DPP10: variants seen among roughly 807,000 people sequenced by gnomAD.
The protein encoded by DPP10 is inactive dipeptidyl peptidase 10.
Under a neutral mutation model 120.9 loss-of-function variants are expected in DPP10, and 33 were observed. The ratio of observed to expected loss-of-function variants is 0.27; its 90% CI spans 0.21 to 0.37. The LOEUF is 0.37. Among genes scored for constraint, DPP10 ranks in the 10% least tolerant of loss-of-function variants. The probability of loss-of-function intolerance (pLI) is 1.00; values close to 1 mark genes in which losing one functional copy is unlikely to be tolerated. For missense variants in DPP10, 816 were observed against 942.8 expected (o/e 0.87, Z 1.76); for synonymous variants, 337 against 326.1 (o/e 1.03, Z -0.36).
At chr2:115,007,309 G>A (rs958947648) in intron 1 of DPP10, among the ~76,000 whole-genome samples, 17 of 152,208 alleles carry the variant, frequency 1.1e-4, no homozygotes, top group South Asian at 6.2e-4. Flanking sequence ...TATAAACAGA[G>A]CCAAAGACAA....
chr2:115,364,809 T>G (rs567685889), intron 3 of DPP10, among the ~76,000 whole-genome samples: 1 of 152,204 alleles, frequency 6.6e-6, no homozygotes, highest in African/African-American at 2.4e-5. Flanking sequence ...GAATTACTAC[T>G]TTGGTACAAC....
chr2:114,451,271 A>G (rs542727581), intron 1 of DPP10, among the ~76,000 whole-genome samples: 405 of 152,232 alleles, frequency 2.7e-3, no homozygotes, highest in African/African-American at 9.3e-3. Context: ...TGAGCACAGC[A>G]TGGTGTGAGG....
chr2:114,939,702 T>C (rs1696753630), intron 1 of DPP10, among the ~76,000 whole-genome samples: 3 of 152,142 alleles, frequency 2.0e-5, no homozygotes, highest in Admixed American at 6.6e-5. Context: ...CTTTTGTCCA[T>C]TCATGTTGTA....
At chr2:114,765,311 A>AT (rs1376472199) in intron 1 of DPP10, among the ~76,000 whole-genome samples, 1 of 152,180 alleles carries the variant, frequency 6.6e-6, no homozygotes, top group Non-Finnish European at 1.5e-5. Flanking sequence ...GATTCACTCA[A>AT]TTTTTTGATG....
chr2:114,608,935 G>C (rs1215676580), intron 1 of DPP10, among the ~76,000 whole-genome samples: 1 of 152,012 alleles, frequency 6.6e-6, no homozygotes, highest in Non-Finnish European at 1.5e-5. Flanking sequence ...TAACTATTGG[G>C]TACTATGCTC....
chr2:115,089,112 G>C (rs1447437166), intron 1 of DPP10, among the ~76,000 whole-genome samples: 1 of 152,084 alleles, frequency 6.6e-6, no homozygotes, highest in Non-Finnish European at 1.5e-5. Flanking sequence ...TCTTCAGCCT[G>C]ATTTCCTCTT....
At chr2:115,235,276 T>C (rs2057940133) in intron 1 of DPP10, among the ~76,000 whole-genome samples, 1 of 152,180 alleles carries the variant, frequency 6.6e-6, no homozygotes, top group African/African-American at 2.4e-5. Flanking sequence ...ACAATAGACG[T>C]AATGATGTGA....
chr2:114,452,248 T>C (rs940547514), intron 1 of DPP10, among the ~76,000 whole-genome samples: 3 of 151,984 alleles, frequency 2.0e-5, no homozygotes, highest in African/African-American at 4.8e-5. Flanking sequence ...ACCTGGAAAT[T>C]TCAGGTGTAG....
At chr2:115,827,295 A>C (rs7587840) in intron 21 of DPP10, among the ~76,000 whole-genome samples, 43,345 of 148,130 alleles carry the variant, frequency 0.29, 6,519 homozygotes, top group Middle Eastern at 0.43. Context: ...ACATATATAC[A>C]CATACATATA....
In DPP10 at chr2:115,401,425, T is replaced by A. The variant is rs368705988; in HGVS notation, c.271+57513T>A. Among the ~76,000 whole-genome samples the A allele has an allele frequency of 2.0e-5, 3 of 152,082 alleles. No homozygotes were observed. In the South Asian group the frequency reaches 6.2e-4, roughly 31 times the overall value. On this transcript the variant is annotated intron_variant, in intron 3 of 25. Coordinates refer to ENST00000410059, the MANE Select transcript of DPP10 (RefSeq NM_020868.6). ...AGAAGTCTTTCCCTGCAAAAACATT[T>A]TTTTAAAATGTATCTGGGCTAGTGG...
rs375831559 is a variant in DPP10, at chr2:114,638,284, A to G, written c.60+195446A>G. On this transcript the variant is annotated intron_variant, in intron 1 of 25. Transcript: ENST00000410059. ...TCTTGATTTGAATCTCAGTTTGAAC[A>G]TTATTCGTCTAAAGAAATGCTACTG... 5.9e-5 allele frequency among the ~76,000 whole-genome samples: 9 copies of G among 151,948 alleles called. No homozygotes were observed. In the South Asian group the frequency reaches 1.9e-3, roughly 31 times the overall value.
chr2:115,281,397 C>A (rs1047501564), intron 1 of DPP10, among the ~76,000 whole-genome samples: 3 of 152,038 alleles, frequency 2.0e-5, no homozygotes, highest in Non-Finnish European at 4.4e-5. Context: ...TTTCAGACAC[C>A]ACAGACATGA....
At chr2:115,542,850 A>C (rs1158801784) in intron 5 of DPP10, among the ~76,000 whole-genome samples, 1 of 151,986 alleles carries the variant, frequency 6.6e-6, no homozygotes, top group Non-Finnish European at 1.5e-5. Context: ...AGATTGAAAG[A>C]ATTATCCCTT....
chr2:114,497,079 ATACATG>A (rs1402199751), intron 1 of DPP10, among the ~76,000 whole-genome samples: 23 of 150,310 alleles, frequency 1.5e-4, no homozygotes, highest in Non-Finnish European at 2.8e-4. Context: ...ACATATACAT[ATACATG>A]TACATGTACA....
chr2:115,628,626 T>C (rs2085569049), intron 5 of DPP10, among the ~76,000 whole-genome samples: 1 of 152,202 alleles, frequency 6.6e-6, no homozygotes, highest in South Asian at 2.1e-4. Context: ...GCCTGCATAT[T>C]GTTCTAAGGT....
chr2:114,459,270 A>C (rs1678741768), intron 1 of DPP10, among the ~76,000 whole-genome samples: 1 of 152,322 alleles, frequency 6.6e-6, no homozygotes, highest in East Asian at 1.9e-4. Context: ...AACATGTACT[A>C]CTAGAAGATG....
intron 1 of DPP10, among the ~76,000 whole-genome samples, chr2:115,102,606 T>A (rs1268074171): frequency 6.6e-6 from 1 of 152,130 alleles, no homozygotes; most frequent in Non-Finnish European, 1.5e-5. Flanking sequence ...AGACGAGGTT[T>A]CACCATATTG....
chr2:115,679,861 T>C (rs2090529062), intron 5 of DPP10, among the ~76,000 whole-genome samples: 3 of 151,844 alleles, frequency 2.0e-5, no homozygotes, highest in Admixed American at 2.0e-4. Flanking sequence ...TAAGAGAAGA[T>C]AGAAAGAGGT....
chr2:115,810,467 T>C (rs1283299246), intron 19 of DPP10, among the ~76,000 whole-genome samples: 2 of 152,238 alleles, frequency 1.3e-5, no homozygotes, highest in Non-Finnish European at 2.9e-5. Flanking sequence ...AGGTGACTTG[T>C]TCTGTCATTT....
Sources: gnomAD v4.1 joint callset for allele counts (sites outside exome capture counted in the v4.1 genomes callset) on GRCh38, gnomAD v4.1.1 for gene constraint, MANE v1.5 for transcripts, NCBI Gene and HGNC (gene_info 2026-07-23, HGNC 2026-07-21) for gene names.